Variants in DBX2 observed in about 807,000 individuals in gnomAD.
The protein encoded by DBX2 is developing brain homeobox 2.
Under a neutral mutation model 17.7 loss-of-function variants are expected in DBX2, and 16 were observed. The observed-to-expected ratio is 0.90, with a 90% CI of 0.61 to 1.37. The LOEUF (loss-of-function observed/expected upper bound fraction) is 1.37, where lower values mean the gene tolerates loss of function less well. DBX2 is among the 40% of genes most tolerant of loss of function. The pLI, the probability that DBX2 is intolerant of heterozygous loss-of-function variation, is 0.00. For synonymous variants in DBX2, 255 were observed against 183.8 expected (o/e 1.39, Z -3.13); for missense variants, 538 against 433.8 (o/e 1.24, Z -2.13).
At chr12:45,029,719 CA>C (rs1019486948) in intron 2 of DBX2, among the ~76,000 whole-genome samples, 16 of 151,746 alleles carry the variant, frequency 1.1e-4, no homozygotes, top group African/African-American at 3.4e-4. Flanking sequence ...CAAAATTAGC[CA>C]GGTGTGGCGG....
intron 3 of DBX2, among the ~76,000 whole-genome samples, 186 bp downstream of exon 3, chr12:45,023,521 T>C (rs1235204434): frequency 1.3e-5 from 2 of 152,206 alleles, no homozygotes; most frequent in Admixed American, 6.5e-5. Context: ...ATGAAAAGCA[T>C]TTCAAGAACA....
chr12:45,051,029 C>G lies in DBX2; in HGVS notation c.-102G>C, dbSNP rs911511447. The G allele has an allele frequency of 4.7e-5, 61 of 1,289,658 alleles. No individual in the cohort carries two copies. In the Admixed American group the frequency reaches 5.1e-4, roughly 11 times the overall value. 79.9% of individuals were successfully genotyped at this position (1,289,658 alleles called of 1,614,324 possible). A position where few individuals can be genotyped will look rare whatever the true frequency, so the allele number is the denominator to read the frequency against. ...GCCGCAGCTTCTCGCCGCCGCCTCC[C>G]GCAGGGCTGGAGCGCGCGGAGCCAG... On this transcript the variant is annotated 5_prime_UTR_variant, in exon 1 of 4. Transcript: ENST00000332700.
chr12:45,019,144 C>T (rs1946338116), intron 3 of DBX2, among the ~76,000 whole-genome samples: 1 of 151,932 alleles, frequency 6.6e-6, no homozygotes, highest in Non-Finnish European at 1.5e-5. Flanking sequence ...ATGATAAATT[C>T]TGCTATGCAT....
chr12:45,035,682 C>CTTCCT (rs975218852), intron 2 of DBX2, among the ~76,000 whole-genome samples: 3 of 152,140 alleles, frequency 2.0e-5, no homozygotes, highest in Non-Finnish European at 2.9e-5. Context: ...TTTCGCCTTC[C>CTTCCT]TTCCTTTCCT....
At chr12:45,043,648 A>T (rs1305142355) in intron 1 of DBX2, among the ~76,000 whole-genome samples, 1 of 152,202 alleles carries the variant, frequency 6.6e-6, no homozygotes, top group Non-Finnish European at 1.5e-5. Flanking sequence ...GTCCCAGTTG[A>T]CATCTAACAT....
intron 2 of DBX2, among the ~76,000 whole-genome samples, chr12:45,031,191 AGTGTGTGTGT>A (rs113442613): frequency 7.0e-5 from 7 of 99,328 alleles, no homozygotes; most frequent in Non-Finnish European, 1.5e-4. Context: ...CTTATTTTCA[AGTGTGTGTGT>A]GTGTGTGTGT....
At chr12:45,037,393 G>C (rs922599657) in intron 1 of DBX2, among the ~76,000 whole-genome samples, 1 of 152,064 alleles carries the variant, frequency 6.6e-6, no homozygotes, top group Non-Finnish European at 1.5e-5. Flanking sequence ...ATGAACAAAT[G>C]GTCTTCCAAA....
At chr12:45,031,315 T>C (rs941415832) in intron 2 of DBX2, among the ~76,000 whole-genome samples, 10 of 151,738 alleles carry the variant, frequency 6.6e-5, no homozygotes, top group African/African-American at 1.7e-4. Flanking sequence ...GCCAAACCTG[T>C]GTGATTTAAA....
chr12:45,041,472 T>C (rs1314697323), intron 1 of DBX2, among the ~76,000 whole-genome samples: 1 of 152,196 alleles, frequency 6.6e-6, no homozygotes, highest in African/African-American at 2.4e-5. Flanking sequence ...TGATTTATTT[T>C]AATATTTAGT....
chr12:45,039,007 C>A (rs1946454894), intron 1 of DBX2, among the ~76,000 whole-genome samples: 1 of 151,918 alleles, frequency 6.6e-6, no homozygotes, highest in African/African-American at 2.4e-5. Flanking sequence ...GCTTGAAGTT[C>A]TATTGTGTAC....
intron 2 of DBX2, among the ~76,000 whole-genome samples, chr12:45,031,885 T>C (rs989003121): frequency 8.5e-5 from 13 of 152,322 alleles, no homozygotes; most frequent in Admixed American, 6.5e-5. Context: ...TCTTCACTTT[T>C]TTTTTGGAAA....
chr12:45,017,769 C>T (rs960299406), intron 3 of DBX2, among the ~76,000 whole-genome samples: 3 of 152,160 alleles, frequency 2.0e-5, no homozygotes, highest in Non-Finnish European at 4.4e-5. Flanking sequence ...GAAAACTTCA[C>T]AACTGGTTTC....
chr12:45,040,346 C>T (rs1686334623), intron 1 of DBX2, among the ~76,000 whole-genome samples: 1 of 152,002 alleles, frequency 6.6e-6, no homozygotes. Context: ...ACCTTGTGAT[C>T]TTGTGTCAAT....
intron 1 of DBX2, among the ~76,000 whole-genome samples, chr12:45,043,593 A>G (rs1357907197): frequency 2.0e-5 from 3 of 152,224 alleles, no homozygotes; most frequent in African/African-American, 4.8e-5. Context: ...CCATGTGAGT[A>G]GCCATCTTGG....
intron 1 of DBX2, 94 bp downstream of exon 1, chr12:45,050,431 G>A: frequency 6.8e-7 from 1 of 1,466,214 alleles, no homozygotes; most frequent in Non-Finnish European, 9.0e-7. Flanking sequence ...GGCTCTCCCT[G>A]GGCGCAGTGC....
chr12:45,044,636 G>A (rs1162519220), intron 1 of DBX2, among the ~76,000 whole-genome samples: 5 of 152,036 alleles, frequency 3.3e-5, no homozygotes, highest in South Asian at 2.1e-4. Flanking sequence ...ACAAAAAGAC[G>A]CAACCTTTTT....
rs938587781 is a variant in DBX2 at position 45,015,555 on chromosome 12, G to A, written c.*731C>T. 1 of 152,156 alleles carries A rather than the reference G, an allele frequency of 6.6e-6. No individual in the cohort carries two copies. The highest frequency in any genetic ancestry group is 2.1e-4 in the South Asian group (1 of 4,832). 9.4% of individuals were successfully genotyped at this position (152,156 alleles called of 1,614,324 possible). On this transcript the variant is annotated 3_prime_UTR_variant, in exon 4 of 4. Transcript: ENST00000332700. Reference sequence around the variant, plus strand: ...TCTAGGCCCATCTTTACAGAGAAGAGATCAAAAAATAATTATTAGTTAAAT... The same window carrying A: ...TCTAGGCCCATCTTTACAGAGAAGAAATCAAAAAATAATTATTAGTTAAAT...
chr12:45,043,913 GA>G (rs1946485275), intron 1 of DBX2, among the ~76,000 whole-genome samples: 1 of 152,138 alleles, frequency 6.6e-6, no homozygotes, highest in Non-Finnish European at 1.5e-5. Context: ...TTCACATTTT[GA>G]AATGAGGAAA....
intron 2 of DBX2, 37 bp from the exon 3 acceptor site, chr12:45,023,931 G>A: frequency 6.6e-7 from 1 of 1,519,168 alleles, no homozygotes; most frequent in Non-Finnish European, 8.8e-7. Flanking sequence ...AGCCCAGTTA[G>A]CTTTAGAAAG....
Sources: gnomAD v4.1 joint callset for allele counts (sites outside exome capture counted in the v4.1 genomes callset) on GRCh38, gnomAD v4.1.1 for gene constraint, MANE v1.5 for transcripts, NCBI Gene and HGNC (gene_info 2026-07-23, HGNC 2026-07-21) for gene names.